ARSG: variants seen among roughly 807,000 people sequenced by gnomAD.
ARSG encodes the protein ASG.
ARSG carries 37 observed loss-of-function variants against 50.5 expected under a neutral mutation model. That is an observed-to-expected ratio of 0.73 (90% CI 0.56 to 0.96). ARSG has a LOEUF of 0.96. Ranked by LOEUF, ARSG falls within the 50% of genes least tolerant of loss-of-function variation. The probability of loss-of-function intolerance (pLI) is 0.00; values close to 1 mark genes in which losing one functional copy is unlikely to be tolerated. For missense variants in ARSG, 629 were observed against 675.3 expected (o/e 0.93, Z 0.76); for synonymous variants, 225 against 254.6 (o/e 0.88, Z 1.11).
At chr17:68,362,804 A>T (rs2079359415) in intron 6 of ARSG, among the ~76,000 whole-genome samples, 5 of 152,134 alleles carry the variant, frequency 3.3e-5, no homozygotes, top group Admixed American at 2.0e-4. Flanking sequence ...TTAAATAATC[A>T]TCTTATTTAT....
chr17:68,343,862 C>T, intron 3 of ARSG, 71 bp downstream of exon 3: 1 of 1,439,034 alleles, frequency 6.9e-7, no homozygotes, highest in East Asian at 2.4e-5. Flanking sequence ...AAATTCCCAA[C>T]ATACTCCCTG....
At chr17:68,391,243 G>A (rs72841852) in intron 9 of ARSG, among the ~76,000 whole-genome samples, 8,215 of 152,102 alleles carry the variant, frequency 0.054, 429 homozygotes, top group East Asian at 0.22. Context: ...GCCAGGGACC[G>A]TCTCCCTCTT....
intron 6 of ARSG, among the ~76,000 whole-genome samples, chr17:68,357,070 G>A (rs1405788966): frequency 6.6e-6 from 1 of 152,194 alleles, no homozygotes; most frequent in Admixed American, 6.5e-5. Context: ...CCACTGCCAT[G>A]ATCATTTTGT....
Position 68,356,670 on chromosome 17 carries a change from C to T in ARSG, c.570C>T (p.Asn190=), listed in dbSNP as rs775682355. The part of the protein sequence containing the change: ...ACPQGDGPSR[N]LQRDCYTDVA... ...ATGGTCTGTGGTTTCCACACAGGAACCTTCAAAGAGACTGTTACACTGACG... is the reference window on the plus strand; with the variant it reads ...ATGGTCTGTGGTTTCCACACAGGAATCTTCAAAGAGACTGTTACACTGACG... Residue 190 remains asparagine, a synonymous_variant, in exon 6 of 12, where the codon AAC becomes AAT. Transcript: ENST00000621439. 1.1e-5 allele frequency: 18 copies of T among 1,614,206 alleles called. No individual in the cohort carries two copies. Among genetic ancestry groups the T allele is most frequent in the Non-Finnish European group, 1.5e-5 (18 of 1,180,026 alleles).
intron 8 of ARSG, among the ~76,000 whole-genome samples, chr17:68,374,714 T>C (rs1231141230): frequency 6.6e-6 from 1 of 151,670 alleles, no homozygotes; most frequent in African/African-American, 2.4e-5. Flanking sequence ...TAACCAGGTA[T>C]GGTGGCGGGC....
the ARSG span, among the ~76,000 whole-genome samples, chr17:68,427,901 C>CT: frequency 6.6e-6 from 1 of 151,734 alleles, no homozygotes; most frequent in African/African-American, 2.4e-5. Context: ...GTTTTCTTTT[C>CT]TTTTTTGAGA....
At chr17:68,377,240 G>T (rs1038761206) in intron 8 of ARSG, among the ~76,000 whole-genome samples, 2 of 152,172 alleles carry the variant, frequency 1.3e-5, no homozygotes, top group Non-Finnish European at 2.9e-5. Context: ...AGGCATCCCC[G>T]AGGCCAGCCA....
rs530885288 is a variant in ARSG at position 68,412,228 on chromosome 17, C to A, written c.1304-7961C>A. Among the ~76,000 whole-genome samples, 645 of 152,286 alleles carry A rather than the reference C, an allele frequency of 4.2e-3. 5 individuals are homozygous for A. The highest frequency in any genetic ancestry group is 0.015 in the African/African-American group (623 of 41,558). ...TTCTTCCTAGTCTCGATGGCCTTTA[C>A]ATTTTGGCATGATTTTGCAGTGGCT... On this transcript the variant is annotated intron_variant, in intron 11 of 11. Coordinates refer to ENST00000621439, the MANE Select transcript of ARSG (RefSeq NM_001267727.2).
At chr17:68,365,068 G>C (rs1298519469) in intron 6 of ARSG, among the ~76,000 whole-genome samples, 2 of 152,202 alleles carry the variant, frequency 1.3e-5, no homozygotes, top group Non-Finnish European at 2.9e-5. Flanking sequence ...CCAGCACTTT[G>C]GGAGGCTAAG....
the ARSG span, chr17:68,444,344 G>A: frequency 2.5e-5 from 17 of 686,924 alleles, no homozygotes; most frequent in African/African-American, 3.7e-5. Context: ...TGAATCTGCC[G>A]CCATTAAGAC....
chr17:68,340,459 T>C (rs2078217913), intron 2 of ARSG, among the ~76,000 whole-genome samples: 1 of 152,060 alleles, frequency 6.6e-6, no homozygotes. Context: ...TATTTTTTTG[T>C]ATTTTTAGTA....
chr17:68,449,992 T>C, the ARSG span, among the ~76,000 whole-genome samples: 9 of 152,028 alleles, frequency 5.9e-5, no homozygotes, highest in East Asian at 1.5e-3. Context: ...GCCTGGGCAA[T>C]AGGGCAAGAC....
At chr17:68,371,339 A>G (rs2079836385) in intron 8 of ARSG, among the ~76,000 whole-genome samples, 1 of 149,660 alleles carries the variant, frequency 6.7e-6, no homozygotes, top group Non-Finnish European at 1.5e-5. Context: ...AAAAAAAAGA[A>G]GGAGAGAGGC....
the ARSG span, chr17:68,429,014 T>A: frequency 9.3e-7 from 1 of 1,078,776 alleles, no homozygotes; most frequent in Non-Finnish European, 1.4e-6. Flanking sequence ...AAAGCCCCCC[T>A]CACCCTAGCT....
At chr17:68,361,252 A>G (rs2079271813) in intron 6 of ARSG, among the ~76,000 whole-genome samples, 1 of 152,232 alleles carries the variant, frequency 6.6e-6, no homozygotes, top group Non-Finnish European at 1.5e-5. Flanking sequence ...AGATAAGATC[A>G]TGAGAGTGAA....
At chr17:68,292,055 C>T (rs1050414538) in intron 1 of ARSG, among the ~76,000 whole-genome samples, 17 of 152,060 alleles carry the variant, frequency 1.1e-4, no homozygotes, top group Non-Finnish European at 2.1e-4. Context: ...CACAGTTCCC[C>T]TTCCGGCAGT....
At chr17:68,313,651 C>A (rs984175215) in intron 2 of ARSG, among the ~76,000 whole-genome samples, 27 of 149,600 alleles carry the variant, frequency 1.8e-4, no homozygotes, top group Non-Finnish European at 3.5e-4. Flanking sequence ...CAGTCTGGTG[C>A]AATTAGCTGT....
intron 1 of ARSG, among the ~76,000 whole-genome samples, chr17:68,303,811 C>T (rs2076508976): frequency 6.6e-6 from 1 of 152,168 alleles, no homozygotes; most frequent in Non-Finnish European, 1.5e-5. Context: ...AAGTCTGTAC[C>T]TGGGCATCCA....
At chr17:68,449,924 T>G in the ARSG span, among the ~76,000 whole-genome samples, 1 of 152,074 alleles carries the variant, frequency 6.6e-6, no homozygotes, top group East Asian at 1.9e-4. Flanking sequence ...GGTGGGAGGA[T>G]TGTTTGAGCC....
Sources: gnomAD v4.1 joint callset for allele counts (sites outside exome capture counted in the v4.1 genomes callset) on GRCh38, gnomAD v4.1.1 for gene constraint, MANE v1.5 for transcripts, NCBI Gene and HGNC (gene_info 2026-07-23, HGNC 2026-07-21) for gene names.